UMOD: variants seen among roughly 807,000 people sequenced by gnomAD.
UMOD encodes the protein Tamm-Horsfall urinary glycoprotein.
In UMOD, 64 loss-of-function variants were observed where a neutral mutation model predicts 66.0. The observed-to-expected ratio is 0.97, with a 90% CI of 0.79 to 1.19. The LOEUF is 1.19. Among genes scored for constraint, UMOD ranks in the 50% most tolerant of loss-of-function variants. The probability of loss-of-function intolerance (pLI) is 0.00; values close to 1 mark genes in which losing one functional copy is unlikely to be tolerated. For synonymous variants in UMOD, 398 were observed against 352.7 expected (o/e 1.13, Z -1.44); for missense variants, 764 against 850.9 (o/e 0.90, Z 1.27).
In UMOD at chr16:20,344,027, A is replaced by G. The variant is rs1965387928; in HGVS notation, c.1328T>C (p.Val443Ala). 1 of 1,613,562 alleles carries G rather than the reference A, an allele frequency of 6.2e-7. No homozygotes were observed. The highest frequency in any genetic ancestry group is 1.7e-5 in the Admixed American group (1 of 60,010). Reference sequence around the variant, plus strand: ...TAGGGACCCTCTCTGGCCACACCTGACCATTGGCTGTAGGGCGGTCTTCAG... The same window carrying G: ...TAGGGACCCTCTCTGGCCACACCTGGCCATTGGCTGTAGGGCGGTCTTCAG... Reference protein sequence around the residue: ...VSLKTALQPMVSALNIRVGGT... With the variant: ...VSLKTALQPMASALNIRVGGT... Residue 443 changes from valine to alanine, a missense_variant, in exon 6 of 11, where the codon GTC becomes GCC. Val to Ala is a moderately conservative substitution (Grantham distance 64). Transcript: ENST00000396138.
chr16:20,340,916 C>T (rs1389300017), intron 7 of UMOD, among the ~76,000 whole-genome samples, 175 bp downstream of exon 7: 1 of 151,702 alleles, frequency 6.6e-6, no homozygotes, highest in African/African-American at 2.4e-5. Context: ...ATCACTTGAA[C>T]CCAGGAGGCG....
At chr16:20,349,449 G>T (rs1311294079) in intron 2 of UMOD, among the ~76,000 whole-genome samples, 1 of 152,022 alleles carries the variant, frequency 6.6e-6, no homozygotes, top group Non-Finnish European at 1.5e-5. Flanking sequence ...TTTGGAGAGG[G>T]GTCTTGCTCT....
In UMOD at chr16:20,348,789, G is replaced by A. The variant is rs1416510572; in HGVS notation, c.512C>T (p.Ala171Val). The A allele has an allele frequency of 6.5e-7, 1 of 1,544,056 alleles. No homozygotes were observed. The highest frequency in any genetic ancestry group is 8.7e-7 in the Non-Finnish European group (1 of 1,146,180). ...CVPEGDALVCADPCQAHRTLD... is the reference protein window; with the variant it reads ...CVPEGDALVCVDPCQAHRTLD... ...GGTGCGGTGCGCCTGGCACGGATCC[G>A]CGCACACGAGCGCGTCGCCCTCGGG... is the stretch of plus-strand genomic sequence containing the variant. The change falls in exon 3 of 11, where the codon GCG becomes GTG. Residue 171 changes from alanine (A) to valine (V), a missense_variant. Coordinates refer to ENST00000396138, the MANE Select transcript of UMOD (RefSeq NM_003361.4).
rs558143573 is a variant in UMOD at position 20,337,136 on chromosome 16, C to T, written c.1740+155G>A. Among the ~76,000 whole-genome samples, 49 of 152,326 alleles carry T rather than the reference C, an allele frequency of 3.2e-4. No homozygotes were observed. In the East Asian group the frequency reaches 8.7e-3, roughly 27 times the overall value. ...TGATCCCACCTGATTTCCCCTGCAG[C>T]TTAGGTTTCCTGCCTAGCCACGCCC... On this transcript the variant is annotated intron_variant, in intron 8 of 10. Coordinates refer to ENST00000396138, the MANE Select transcript of UMOD (RefSeq NM_003361.4).
At chr16:20,337,237 T>A in intron 8 of UMOD, 54 bp downstream of exon 8, 1 of 1,603,454 alleles carries the variant, frequency 6.2e-7, no homozygotes. Flanking sequence ...GTTTTCTTTG[T>A]GGCCAAATGT....
intron 5 of UMOD, 141 bp from the exon 6 acceptor site, chr16:20,344,313 C>T: frequency 1.2e-6 from 1 of 863,834 alleles, no homozygotes. Context: ...TGATAAAAAG[C>T]TGCCTGTGGC....
chr16:20,337,492 TAA>T, intron 7 of UMOD, 39 bp from the exon 8 acceptor site: 1 of 1,613,734 alleles, frequency 6.2e-7, no homozygotes, highest in South Asian at 1.1e-5. Flanking sequence ...GTTGGTTAAA[TAA>T]AGATTCTGGA....
chr16:20,352,123 T>C lies in UMOD; in HGVS notation c.-103+566A>G, dbSNP rs78052469. 7.2e-3 allele frequency among the ~76,000 whole-genome samples: 1,094 copies of C among 151,138 alleles called. 14 individuals carry two copies. Among genetic ancestry groups the C allele is most frequent in the African/African-American group, 0.025 (1,036 of 41,136 alleles). ...ACACACATAAAATTTTATAAGACAATTGATATCCTTACTACATTAAGTGAT... is the reference window on the plus strand; with the variant it reads ...ACACACATAAAATTTTATAAGACAACTGATATCCTTACTACATTAAGTGAT... On this transcript the variant is annotated intron_variant, in intron 1 of 10. Transcript: ENST00000396138.
chr16:20,345,445 C>CTTTCCTT (rs1165570032), intron 5 of UMOD, among the ~76,000 whole-genome samples: 1 of 37,114 alleles, frequency 2.7e-5, no homozygotes, highest in Non-Finnish European at 5.3e-5. Context: ...TTTCTTTCTT[C>CTTTCCTT]CTTTCTTCCT....
rs774567659 is a variant in UMOD, at chr16:20,349,204, A to G, written c.97T>C (p.Ser33Pro). 50 of 1,613,282 alleles carry G rather than the reference A, an allele frequency of 3.1e-5. No individual in the cohort carries two copies. Among genetic ancestry groups the G allele is most frequent in the Non-Finnish European group, 4.1e-5 (48 of 1,179,972 alleles). The change falls in exon 3 of 11, where the codon TCT becomes CCT. Residue 33 changes from serine (S) to proline (P), a missense_variant. Coordinates refer to ENST00000396138, the MANE Select transcript of UMOD (RefSeq NM_003361.4). ...ATDTSEARWC[S>P]ECHSNATCTE... ...CAGGTGGCATTGCTGTGACATTCAGAGCACCATCCTGTGGACAGAAAAGCC... is the reference window on the plus strand; with the variant it reads ...CAGGTGGCATTGCTGTGACATTCAGGGCACCATCCTGTGGACAGAAAAGCC...
intron 7 of UMOD, among the ~76,000 whole-genome samples, chr16:20,338,051 G>A (rs946323845): frequency 1.3e-5 from 2 of 152,100 alleles, no homozygotes; most frequent in African/African-American, 2.4e-5. Context: ...CTGCCATTCC[G>A]CACTCTTTCC....
At chr16:20,345,522 T>A (rs1217514448) in intron 5 of UMOD, among the ~76,000 whole-genome samples, 1 of 83,340 alleles carries the variant, frequency 1.2e-5, no homozygotes, top group Non-Finnish European at 2.8e-5. Context: ...CTTCCTTCCT[T>A]CCTTCCTTCC....
chr16:20,349,659 T>G, intron 2 of UMOD: 1 of 1,394,746 alleles, frequency 7.2e-7, no homozygotes, highest in South Asian at 1.6e-5. Context: ...CAAGCTGTCT[T>G]CTTTTAAAAT....
At chr16:20,352,024 A>C (rs1288736399) in intron 1 of UMOD, among the ~76,000 whole-genome samples, 1 of 139,866 alleles carries the variant, frequency 7.1e-6, no homozygotes, top group African/African-American at 2.8e-5. Context: ...CCCCCCCCAA[A>C]AAAAAAAAGA....
chr16:20,341,175 C>T lies in UMOD; in HGVS notation c.1493G>A (p.Arg498Gln), dbSNP rs188397613. ...GCAGTTGGTCATGAGCAGTGCAAAT[C>T]GGGACAGGTCGCCCCCATCCAACAT... ...GTMLDGGDLSRFALLMTNCYA... is the reference protein window; with the variant it reads ...GTMLDGGDLSQFALLMTNCYA... Residue 498 changes from arginine (R) to glutamine (Q), a missense_variant, in exon 7 of 11, where the codon CGA (arginine) becomes CAA (glutamine). Transcript: ENST00000396138. The T allele has an allele frequency of 2.5e-5, 41 of 1,613,992 alleles. No homozygotes were observed. Among genetic ancestry groups the T allele is most frequent in the East Asian group, 6.7e-5 (3 of 44,874 alleles).
chr16:20,340,452 GTA>G (rs1259282972), intron 7 of UMOD, among the ~76,000 whole-genome samples: 1 of 126,504 alleles, frequency 7.9e-6, no homozygotes, highest in African/African-American at 3.4e-5. Context: ...GTGTGTGTGT[GTA>G]TATATATGTG....
At chr16:20,350,290 T>A (rs1053701633) in intron 2 of UMOD, among the ~76,000 whole-genome samples, 1 of 152,156 alleles carries the variant, frequency 6.6e-6, no homozygotes, top group Admixed American at 6.5e-5. Context: ...TCCTATGTGA[T>A]AGAGTATGTT....
chr16:20,346,208 G>C lies in UMOD; in HGVS notation c.1100C>G (p.Ser367Trp), dbSNP rs138178893. 1.2e-6 allele frequency: 2 copies of C among 1,614,206 alleles called. No homozygotes were observed. The highest frequency in any genetic ancestry group is 1.7e-6 in the Non-Finnish European group (2 of 1,180,042). ...VFMYLSDSRC[S>W]GFNDRDNRDW... Reference sequence around the variant, plus strand: ...CCGGTTGTCTCTGTCATTGAAGCCCGAGCACCGGCTGTCACTCAGGTACAT... The same window carrying C: ...CCGGTTGTCTCTGTCATTGAAGCCCCAGCACCGGCTGTCACTCAGGTACAT... The change falls in exon 5 of 11, where the codon TCG becomes TGG. Residue 367 changes from serine to tryptophan, a missense_variant. Coordinates refer to ENST00000396138, the MANE Select transcript of UMOD (RefSeq NM_003361.4).
rs1596566460 is a variant in UMOD, at chr16:20,350,774, C to T, written c.-37G>A. On this transcript the variant is annotated 5_prime_UTR_variant, in exon 2 of 11. Transcript: ENST00000396138. ...TTCCCGCTACTTCAGGTCTAGATAG[C>T]ACCTGCCCAAAGGAAAGACGGGTTG... The T allele has an allele frequency of 6.2e-7, 1 of 1,613,872 alleles. No homozygotes were observed. The highest frequency in any genetic ancestry group is 1.3e-5 in the African/African-American group (1 of 75,052).
Sources: allele counts gnomAD v4.1 joint callset (sites outside exome capture counted in the v4.1 genomes callset), GRCh38; gene constraint gnomAD v4.1.1; transcripts MANE v1.5; gene names NCBI Gene and HGNC (gene_info 2026-07-23, HGNC 2026-07-21).